CTNND2: variants seen among roughly 807,000 people sequenced by gnomAD.
CTNND2 encodes the protein catenin delta-2.
In CTNND2, 22 loss-of-function variants were observed where a neutral mutation model predicts 144.4. The ratio of observed to expected loss-of-function variants is 0.15; its 90% CI spans 0.11 to 0.22. The LOEUF (loss-of-function observed/expected upper bound fraction) is 0.22, where lower values mean the gene tolerates loss of function less well. Among genes scored for constraint, CTNND2 ranks in the 10% least tolerant of loss-of-function variants. The probability of loss-of-function intolerance (pLI) is 1.00; values close to 1 mark genes in which losing one functional copy is unlikely to be tolerated. For synonymous variants in CTNND2, 751 were observed against 695.6 expected (o/e 1.08, Z -1.25); for missense variants, 1,353 against 1,618.8 (o/e 0.84, Z 2.82).
chr5:10,991,792 AACAGTT>A lies in CTNND2; in HGVS notation c.3211+753_3211+758del, dbSNP rs368659095. Among the ~76,000 whole-genome samples the A allele has an allele frequency of 5.2e-4, 79 of 152,382 alleles. 1 individual carries two copies. The highest frequency in any genetic ancestry group is 3.4e-3 in the Middle Eastern group (1 of 294). On this transcript the variant is annotated intron_variant, in intron 19 of 21. Coordinates refer to ENST00000304623, the MANE Select transcript of CTNND2 (RefSeq NM_001332.4). Reference sequence around the variant, plus strand: ...ATAATGAAAAGCCAATTAGATGTGGAACAGTTATGAAAGCATCAGTGCTATGTGTCA... The same window carrying A: ...ATAATGAAAAGCCAATTAGATGTGGAATGAAAGCATCAGTGCTATGTGTCA...
intron 7 of CTNND2, 89 bp from the exon 8 acceptor site, chr5:11,364,979 C>A (rs920890356): frequency 7.8e-6 from 9 of 1,147,474 alleles, no homozygotes; most frequent in African/African-American, 3.2e-5. Flanking sequence ...TTTTTTTGGA[C>A]AAAATTGTTG....
At chr5:11,824,176 C>T (rs1190028100) in intron 1 of CTNND2, among the ~76,000 whole-genome samples, 3 of 151,212 alleles carry the variant, frequency 2.0e-5, no homozygotes, top group African/African-American at 7.3e-5. Context: ...TATTAGACTT[C>T]TTGTTGCCAT....
At chr5:11,799,907 T>A (rs749603477) in intron 1 of CTNND2, among the ~76,000 whole-genome samples, 1 of 152,170 alleles carries the variant, frequency 6.6e-6, no homozygotes, top group Non-Finnish European at 1.5e-5. Context: ...AAACACTCCA[T>A]GCATTTTCTA....
chr5:10,996,019 C>T (rs1739303230), intron 18 of CTNND2, among the ~76,000 whole-genome samples: 1 of 152,006 alleles, frequency 6.6e-6, no homozygotes, highest in Non-Finnish European at 1.5e-5. Context: ...GTGGAGTGGT[C>T]CTTGAGTTGG....
At chr5:10,985,633 AG>A (rs754215959) in intron 20 of CTNND2, among the ~76,000 whole-genome samples, 8 of 152,234 alleles carry the variant, frequency 5.3e-5, no homozygotes, top group Non-Finnish European at 1.2e-4. Context: ...GAAACAAGGA[AG>A]ATGGCAGTTT....
chr5:11,202,311 C>A (rs549680230), intron 10 of CTNND2, among the ~76,000 whole-genome samples: 1 of 151,994 alleles, frequency 6.6e-6, no homozygotes, highest in Non-Finnish European at 1.5e-5. Flanking sequence ...AAACTGAATG[C>A]AGCATGAATT....
rs115633752 is a variant in CTNND2, at chr5:11,354,175, C to T, written c.1373-7548G>A. Among the ~76,000 whole-genome samples the T allele has an allele frequency of 1.9e-3, 288 of 152,280 alleles. 1 individual carries two copies. Among genetic ancestry groups the T allele is most frequent in the African/African-American group, 6.8e-3 (283 of 41,552 alleles). ...GAGGCTCAACAATGTGGTGATAGAG[C>T]TGGTTTTGCTCCCAAACATGAGCTA... On this transcript the variant is annotated intron_variant, in intron 8 of 21. Transcript: ENST00000304623.
intron 10 of CTNND2, among the ~76,000 whole-genome samples, chr5:11,203,010 G>A (rs951469233): frequency 6.6e-6 from 1 of 151,972 alleles, no homozygotes; most frequent in African/African-American, 2.4e-5. Flanking sequence ...TCATCATACT[G>A]GTCAGGCTGG....
At chr5:11,054,107 T>C (rs992750898) in intron 16 of CTNND2, among the ~76,000 whole-genome samples, 16 of 152,162 alleles carry the variant, frequency 1.1e-4, no homozygotes, top group African/African-American at 3.9e-4. Context: ...CTGAAAAACC[T>C]TTGCTTGGGA....
rs1312048831 is a variant in CTNND2, at chr5:10,973,241, G to T, written c.*212C>A. ...AGGTGCTGCCCACTGTCATATTTAG[G>T]ATCACTTTAGCTTTCTACTGATTTC... On this transcript the variant is annotated 3_prime_UTR_variant, in exon 22 of 22. Transcript: ENST00000304623. The surrounding 1 kb of genome is among the most constrained non-coding windows in gnomAD (Gnocchi z 5.6). 2.7e-5 allele frequency: 14 copies of T among 525,668 alleles called. No homozygotes were observed. Among genetic ancestry groups the T allele is most frequent in the Non-Finnish European group, 4.2e-5 (13 of 311,212 alleles). The allele number at this position is 525,668 out of a possible 1,614,324, so 32.6% of individuals were successfully genotyped here.
chr5:11,516,397 A>T (rs1409123320), intron 3 of CTNND2, among the ~76,000 whole-genome samples: 2 of 152,058 alleles, frequency 1.3e-5, no homozygotes, highest in African/African-American at 2.4e-5. Flanking sequence ...ATGAAGAAGT[A>T]AGACAACCTC....
Position 11,509,192 on chromosome 5 carries a change from A to G in CTNND2, c.287+55752T>C, listed in dbSNP as rs370293592. ...AAAGGAACATGTTTCCAGAAATTCT[A>G]AGGTCTAGCATTCTTGCAGTTCCCC... On this transcript the variant is annotated intron_variant, in intron 3 of 21. Coordinates refer to ENST00000304623, the MANE Select transcript of CTNND2 (RefSeq NM_001332.4). 6.6e-5 allele frequency among the ~76,000 whole-genome samples: 10 copies of G among 152,304 alleles called. No homozygotes were observed. In the East Asian group the frequency reaches 1.2e-3, roughly 18 times the overall value.
In CTNND2 at chr5:11,342,747, T is replaced by C. The variant is rs61750718; in HGVS notation, c.1628+3625A>G. Among the ~76,000 whole-genome samples, 509 of 152,336 alleles carry C rather than the reference T, an allele frequency of 3.3e-3. 3 individuals are homozygous for C. The highest frequency in any genetic ancestry group is 5.8e-3 in the Non-Finnish European group (396 of 68,026). The stretch of plus-strand genomic sequence containing the variant: ...CAGTCTTGCTGTGTTTTTTTCCATT[T>C]GTTTCATCATCAAATTTTCAAAATG... On this transcript the variant is annotated intron_variant, in intron 9 of 21. Coordinates refer to ENST00000304623, the MANE Select transcript of CTNND2 (RefSeq NM_001332.4).
chr5:11,678,204 T>C (rs966045601), intron 2 of CTNND2, among the ~76,000 whole-genome samples: 1 of 152,186 alleles, frequency 6.6e-6, no homozygotes, highest in Non-Finnish European at 1.5e-5. Flanking sequence ...AACTAATGTA[T>C]CAGATCAATC....
chr5:11,610,127 T>C (rs1010095269), intron 2 of CTNND2, among the ~76,000 whole-genome samples: 1 of 152,192 alleles, frequency 6.6e-6, no homozygotes, highest in Non-Finnish European at 1.5e-5. Context: ...CTGAGTTCTC[T>C]CTACATGCAC....
intron 3 of CTNND2, among the ~76,000 whole-genome samples, chr5:11,480,716 T>G (rs1360947030): frequency 6.6e-6 from 1 of 151,750 alleles, no homozygotes; most frequent in Non-Finnish European, 1.5e-5. Context: ...TTTTTCTTTC[T>G]GTAGAAAAAG....
intron 8 of CTNND2, among the ~76,000 whole-genome samples, chr5:11,348,887 T>A (rs1755066933): frequency 6.6e-6 from 1 of 152,108 alleles, no homozygotes. Context: ...GAAGGCAACA[T>A]CTTGGTATGT....
At chr5:11,148,262 C>T (rs947773334) in intron 12 of CTNND2, among the ~76,000 whole-genome samples, 1 of 152,176 alleles carries the variant, frequency 6.6e-6, no homozygotes, top group Non-Finnish European at 1.5e-5. Context: ...TTTCAACACA[C>T]TTTGAACGTA....
intron 9 of CTNND2, among the ~76,000 whole-genome samples, chr5:11,251,713 G>C (rs1286997034): frequency 6.6e-6 from 1 of 152,166 alleles, no homozygotes; most frequent in Admixed American, 6.5e-5. Flanking sequence ...ATTGGGAGAA[G>C]GGCAAATTAT....
Sources: allele counts gnomAD v4.1 joint callset (sites outside exome capture counted in the v4.1 genomes callset), GRCh38; gene constraint gnomAD v4.1.1; non-coding constraint Gnocchi (gnomAD v3.1); transcripts MANE v1.5; gene names NCBI Gene and HGNC (gene_info 2026-07-23, HGNC 2026-07-21).